The following TMEM178B variants were observed in gnomAD, a reference collection of about 807,000 sequenced individuals.
The protein encoded by TMEM178B is transmembrane protein 178B.
TMEM178B carries 5 observed loss-of-function variants against 31.0 expected under a neutral mutation model. That is an observed-to-expected ratio of 0.16 (90% CI 0.08 to 0.34). The LOEUF (loss-of-function observed/expected upper bound fraction) is 0.34. Among genes scored for constraint, TMEM178B ranks in the 10% least tolerant of loss-of-function variants. The probability of loss-of-function intolerance (pLI) is 1.00; values close to 1 mark genes in which losing one functional copy is unlikely to be tolerated. For missense variants in TMEM178B, 275 were observed against 400.3 expected (o/e 0.69, Z 2.67); for synonymous variants, 164 against 164.0 (o/e 1.00, Z 0.00).
chr7:141,109,392 G>A (rs550250782), intron 1 of TMEM178B, among the ~76,000 whole-genome samples: 1 of 152,158 alleles, frequency 6.6e-6, no homozygotes, highest in African/African-American at 2.4e-5. Context: ...AACTCAGGGG[G>A]TGGTGGACAG....
chr7:141,326,579 G>C (rs147731417), intron 2 of TMEM178B, among the ~76,000 whole-genome samples: 172 of 152,290 alleles, frequency 1.1e-3, no homozygotes, highest in Non-Finnish European at 1.8e-3. Flanking sequence ...CTAAACCAAG[G>C]CTTGGCAAAC....
intron 2 of TMEM178B, among the ~76,000 whole-genome samples, chr7:141,279,695 A>G (rs910057537): frequency 6.6e-6 from 1 of 152,200 alleles, no homozygotes; most frequent in African/African-American, 2.4e-5. Flanking sequence ...GGGTTCTGCT[A>G]GGGCAGCCCC....
chr7:141,341,905 C>T (rs1799522271), intron 2 of TMEM178B, among the ~76,000 whole-genome samples: 1 of 152,164 alleles, frequency 6.6e-6, no homozygotes, highest in South Asian at 2.1e-4. Flanking sequence ...GTTTTGACTT[C>T]TCCAATGTCT....
intron 2 of TMEM178B, among the ~76,000 whole-genome samples, chr7:141,228,496 T>C (rs1441969471): frequency 6.6e-6 from 1 of 152,186 alleles, no homozygotes; most frequent in East Asian, 1.9e-4. Flanking sequence ...CCTTCCCTGA[T>C]TGGAGCTGTG....
intron 2 of TMEM178B, among the ~76,000 whole-genome samples, chr7:141,361,986 A>C (rs1302570477): frequency 6.6e-6 from 1 of 152,210 alleles, no homozygotes; most frequent in African/African-American, 2.4e-5. Flanking sequence ...TTCTTGGAAA[A>C]GGGAAGGTGA....
chr7:141,438,208 C>A (rs7783437), intron 3 of TMEM178B, among the ~76,000 whole-genome samples: 17 of 152,026 alleles, frequency 1.1e-4, no homozygotes, highest in Non-Finnish European at 2.1e-4. Context: ...AGCTGCCCCC[C>A]TTTCAAGTAA....
intron 1 of TMEM178B, among the ~76,000 whole-genome samples, chr7:141,150,485 C>A (rs1361607062): frequency 1.3e-5 from 2 of 152,198 alleles, no homozygotes; most frequent in African/African-American, 4.8e-5. Flanking sequence ...AACAAAGAAA[C>A]AGTTGTACTG....
chr7:141,366,517 T>C (rs1361638747), intron 2 of TMEM178B, among the ~76,000 whole-genome samples: 1 of 152,244 alleles, frequency 6.6e-6, no homozygotes, highest in African/African-American at 2.4e-5. Context: ...CTGGTCTGTA[T>C]GTGCTCAGGG....
intron 1 of TMEM178B, among the ~76,000 whole-genome samples, chr7:141,155,867 C>G (rs769034844): frequency 6.6e-6 from 1 of 152,234 alleles, no homozygotes; most frequent in Middle Eastern, 3.4e-3. Context: ...GAATTCGAGA[C>G]CAGCCTGGCC....
chr7:141,154,845 T>G (rs1335017327), intron 1 of TMEM178B, among the ~76,000 whole-genome samples: 1 of 152,050 alleles, frequency 6.6e-6, no homozygotes, highest in East Asian at 1.9e-4. Flanking sequence ...TTCTCCTGCC[T>G]TAGCCTCCCA....
At chr7:141,362,618 A>G (rs576440070) in intron 2 of TMEM178B, among the ~76,000 whole-genome samples, 4 of 152,178 alleles carry the variant, frequency 2.6e-5, no homozygotes, top group African/African-American at 7.2e-5. Context: ...AAAGTGTCAA[A>G]TCTAAGAATC....
intron 1 of TMEM178B, among the ~76,000 whole-genome samples, chr7:141,077,393 A>G (rs1428957575): frequency 1.3e-5 from 2 of 152,348 alleles, no homozygotes; most frequent in Non-Finnish European, 2.9e-5. Context: ...TAAAGAACTT[A>G]GTTATTTGTT....
intron 1 of TMEM178B, among the ~76,000 whole-genome samples, chr7:141,106,376 C>T (rs1023274903): frequency 6.6e-6 from 1 of 152,184 alleles, no homozygotes; most frequent in African/African-American, 2.4e-5. Context: ...TATTAAAACA[C>T]ATAGATATAT....
chr7:141,209,450 A>G (rs1416004409), intron 1 of TMEM178B, among the ~76,000 whole-genome samples: 1 of 152,252 alleles, frequency 6.6e-6, no homozygotes, highest in Non-Finnish European at 1.5e-5. Context: ...AATTCCTTGC[A>G]TGTAATAAAA....
intron 2 of TMEM178B, among the ~76,000 whole-genome samples, chr7:141,286,212 A>T (rs1291798168): frequency 1.3e-5 from 2 of 152,230 alleles, no homozygotes; most frequent in Non-Finnish European, 2.9e-5. Context: ...CAATGACAGA[A>T]CATATGCATT....
Position 141,300,284 on chromosome 7 carries a change from G to A in TMEM178B, c.496+87580G>A, listed in dbSNP as rs563118386. Among the ~76,000 whole-genome samples the A allele has an allele frequency of 7.2e-5, 11 of 152,312 alleles. No individual in the cohort carries two copies. In the South Asian group the frequency reaches 2.3e-3, roughly 32 times the overall value. On this transcript the variant is annotated intron_variant, in intron 2 of 3. Transcript: ENST00000565468. ...GCCCCACTGGCAGGCATTGAATCCA[G>A]TGGGATGGCAACTGGCCCCATTAGC...
chr7:141,099,060 T>C (rs1795010817), intron 1 of TMEM178B, among the ~76,000 whole-genome samples: 1 of 152,222 alleles, frequency 6.6e-6, no homozygotes, highest in Admixed American at 6.5e-5. Flanking sequence ...AGACCATACA[T>C]TATCAACCAG....
At chr7:141,417,677 TTC>T (rs1437350614) in intron 2 of TMEM178B, among the ~76,000 whole-genome samples, 6 of 152,236 alleles carry the variant, frequency 3.9e-5, no homozygotes, top group African/African-American at 1.4e-4. Flanking sequence ...GCAAGCTGTG[TTC>T]TCTCTTGTTT....
At position 141,097,599 on chromosome 7, in the gene TMEM178B, A is replaced by G. The variant is rs535850897; in HGVS notation, c.382+22907A>G. The stretch of plus-strand genomic sequence containing the variant: ...AGTCCACCTTGACCCATTTTGGCCA[A>G]TAGAGCGATACGGGGTCTGTCCATG... On this transcript the variant is annotated intron_variant, in intron 1 of 3. Transcript: ENST00000565468. 9.2e-4 allele frequency among the ~76,000 whole-genome samples: 140 copies of G among 152,080 alleles called. 1 individual carries two copies. The highest frequency in any genetic ancestry group is 6.8e-3 in the Middle Eastern group (2 of 294).
Sources: allele counts gnomAD v4.1 joint callset (sites outside exome capture counted in the v4.1 genomes callset), GRCh38; gene constraint gnomAD v4.1.1; transcripts MANE v1.5; gene names NCBI Gene and HGNC (gene_info 2026-07-23, HGNC 2026-07-21).